Variants in KSR1 observed in about 807,000 individuals in gnomAD.
KSR1 encodes the protein kinase suppressor of ras.
Under a neutral mutation model 92.9 loss-of-function variants are expected in KSR1, and 35 were observed. That is an observed-to-expected ratio of 0.38 (90% CI 0.29 to 0.50). The LOEUF (loss-of-function observed/expected upper bound fraction) is 0.50. Ranked by LOEUF, KSR1 falls within the 20% of genes least tolerant of loss-of-function variation. KSR1 has a pLI of 0.94. For missense variants in KSR1, 972 were observed against 1,158.5 expected, an observed-to-expected ratio of 0.84 and a Z score of 2.34; for synonymous variants, 467 against 472.6, an observed-to-expected ratio of 0.99 and a Z score of 0.15.
chr17:27,586,539 C>T (rs994351888), intron 5 of KSR1, among the ~76,000 whole-genome samples: 2 of 152,132 alleles, frequency 1.3e-5, no homozygotes, highest in Non-Finnish European at 2.9e-5. Flanking sequence ...AGCTACACTT[C>T]CCTCCCTTAG....
intron 17 of KSR1, 62 bp from the exon 18 acceptor site, chr17:27,611,431 GC>G (rs1598147153): frequency 6.2e-7 from 1 of 1,606,282 alleles, no homozygotes; most frequent in Non-Finnish European, 8.5e-7. Flanking sequence ...TGGCTCAAGG[GC>G]CCCTGGGCTT....
At chr17:27,571,509 G>A (rs1353665197) in intron 2 of KSR1, among the ~76,000 whole-genome samples, 3 of 152,196 alleles carry the variant, frequency 2.0e-5, no homozygotes, top group Non-Finnish European at 4.4e-5. Flanking sequence ...TGGCCTCAGA[G>A]GGATGTGCAG....
At chr17:27,564,390 A>AT (rs1290990746) in intron 2 of KSR1, among the ~76,000 whole-genome samples, 1 of 152,232 alleles carries the variant, frequency 6.6e-6, no homozygotes, top group African/African-American at 2.4e-5. Flanking sequence ...AATCGAAGTT[A>AT]TATTCTTCTA....
At chr17:27,532,548 C>T (rs968415315) in intron 1 of KSR1, among the ~76,000 whole-genome samples, 2 of 152,234 alleles carry the variant, frequency 1.3e-5, no homozygotes, top group Non-Finnish European at 2.9e-5. Flanking sequence ...GCTGTTACAT[C>T]AGAAAGCTAA....
chr17:27,524,222 T>C (rs1022463194), intron 1 of KSR1, among the ~76,000 whole-genome samples: 1 of 151,924 alleles, frequency 6.6e-6, no homozygotes, highest in Non-Finnish European at 1.5e-5. Context: ...TGGGCATGTC[T>C]GGGAGGAGAG....
At chr17:27,606,003 G>A (rs1053233000) in intron 14 of KSR1, among the ~76,000 whole-genome samples, 190 bp downstream of exon 14, 7 of 152,234 alleles carry the variant, frequency 4.6e-5, no homozygotes, top group African/African-American at 1.7e-4. Flanking sequence ...AATATGGGCT[G>A]GTGCAGTGGC....
At chr17:27,484,101 G>C (rs1053127223) in intron 1 of KSR1, among the ~76,000 whole-genome samples, 3 of 152,208 alleles carry the variant, frequency 2.0e-5, no homozygotes, top group African/African-American at 4.8e-5. Context: ...ATATTTGCTG[G>C]AAGCAGACAG....
intron 1 of KSR1, among the ~76,000 whole-genome samples, chr17:27,541,977 C>T (rs943050636): frequency 5.3e-5 from 8 of 152,216 alleles, no homozygotes; most frequent in African/African-American, 1.9e-4. Flanking sequence ...TTTCTTTACT[C>T]AATGTTGAAT....
At chr17:27,469,870 A>G (rs368915058) in intron 1 of KSR1, among the ~76,000 whole-genome samples, 3 of 152,168 alleles carry the variant, frequency 2.0e-5, no homozygotes, top group Admixed American at 6.5e-5. Flanking sequence ...GATTTCTGCA[A>G]TTATAAACAA....
At chr17:27,589,339 C>T (rs917711474) in intron 6 of KSR1, among the ~76,000 whole-genome samples, 4 of 152,274 alleles carry the variant, frequency 2.6e-5, no homozygotes, top group East Asian at 1.9e-4. Flanking sequence ...CCCTTGTGCT[C>T]GGGGCCTTTT....
At chr17:27,548,542 C>G (rs773639869) in intron 1 of KSR1, among the ~76,000 whole-genome samples, 2 of 150,116 alleles carry the variant, frequency 1.3e-5, no homozygotes, top group Admixed American at 6.7e-5. Context: ...ATCTGCCCAC[C>G]TTAGCCTCCG....
At chr17:27,478,883 GT>G (rs1010378069) in intron 1 of KSR1, among the ~76,000 whole-genome samples, 38 of 152,222 alleles carry the variant, frequency 2.5e-4, no homozygotes, top group African/African-American at 8.4e-4. Flanking sequence ...CGAGAACATG[GT>G]CAGTGCCATA....
intron 5 of KSR1, among the ~76,000 whole-genome samples, chr17:27,586,620 C>T (rs1323985983): frequency 6.6e-6 from 1 of 152,228 alleles, no homozygotes; most frequent in African/African-American, 2.4e-5. Flanking sequence ...ATCTCTAGGA[C>T]AGCCCCAGCC....
intron 1 of KSR1, among the ~76,000 whole-genome samples, chr17:27,535,753 T>C (rs1463637835): frequency 6.6e-6 from 1 of 152,204 alleles, no homozygotes; most frequent in Admixed American, 6.5e-5. Context: ...CCAGCAGCTG[T>C]GTCATATTGT....
intron 2 of KSR1, among the ~76,000 whole-genome samples, chr17:27,561,132 G>T (rs2071810939): frequency 6.6e-6 from 1 of 152,218 alleles, no homozygotes; most frequent in African/African-American, 2.4e-5. Flanking sequence ...CCTGGGACAG[G>T]AGACAGGGAG....
At chr17:27,532,621 G>A (rs920443616) in intron 1 of KSR1, among the ~76,000 whole-genome samples, 4 of 152,234 alleles carry the variant, frequency 2.6e-5, no homozygotes, top group Non-Finnish European at 5.9e-5. Context: ...CTTTGTCAGC[G>A]GGTGGGACGG....
At chr17:27,569,508 G>T (rs1026819258) in intron 2 of KSR1, among the ~76,000 whole-genome samples, 1 of 152,250 alleles carries the variant, frequency 6.6e-6, no homozygotes, top group South Asian at 2.1e-4. Flanking sequence ...TATGTGTTTG[G>T]GGGTTGCCAA....
intron 1 of KSR1, among the ~76,000 whole-genome samples, chr17:27,475,315 G>C (rs528514462): frequency 6.6e-6 from 1 of 152,192 alleles, no homozygotes; most frequent in Admixed American, 6.5e-5. Context: ...GGTGGTGAGA[G>C]GTGCTGTGTT....
At chr17:27,482,990 A>G (rs1423015361) in intron 1 of KSR1, among the ~76,000 whole-genome samples, 1 of 152,250 alleles carries the variant, frequency 6.6e-6, no homozygotes, top group African/African-American at 2.4e-5. Flanking sequence ...TCAAAATGTG[A>G]CAGACATTTC....
Sources: allele counts gnomAD v4.1 joint callset (sites outside exome capture counted in the v4.1 genomes callset), GRCh38; gene constraint gnomAD v4.1.1; transcripts MANE v1.5; gene names NCBI Gene and HGNC (gene_info 2026-07-23, HGNC 2026-07-21).